Variants in SLC25A48 observed in about 807,000 individuals in gnomAD.
The protein encoded by SLC25A48 is solute carrier family 25 member 48, also known as CTC-321K16.1.
In SLC25A48, 29 loss-of-function variants were observed where a neutral mutation model predicts 32.2. The observed-to-expected ratio is 0.90, with a 90% confidence interval of 0.67 to 1.23. The LOEUF (loss-of-function observed/expected upper bound fraction) is 1.23, where lower values mean the gene tolerates loss of function less well. SLC25A48 is among the 50% of genes most tolerant of loss of function. SLC25A48 has a pLI of 0.00. For synonymous variants in SLC25A48, 164 were observed against 172.3 expected, an observed-to-expected ratio of 0.95 and a Z score of 0.38; for missense variants, 399 against 422.7, an observed-to-expected ratio of 0.94 and a Z score of 0.49.
intron 3 of SLC25A48, among the ~76,000 whole-genome samples, chr5:135,754,035 T>A (rs562968230): frequency 8.6e-4 from 131 of 151,912 alleles, no homozygotes; most frequent in African/African-American, 3.2e-3. Flanking sequence ...CCAGCAGCCA[T>A]ATTTTGAGGA....
chr5:135,594,877 AG>A (rs1317370270), intron 1 of SLC25A48, among the ~76,000 whole-genome samples: 1 of 152,166 alleles, frequency 6.6e-6, no homozygotes, highest in African/African-American at 2.4e-5. Context: ...TCTTCCTGTT[AG>A]GCAGGAGGCC....
At chr5:135,760,242 G>C (rs542076251) in intron 3 of SLC25A48, among the ~76,000 whole-genome samples, 3 of 152,090 alleles carry the variant, frequency 2.0e-5, no homozygotes, top group Non-Finnish European at 2.9e-5. Context: ...GTTACATAGT[G>C]CATATACGTG....
chr5:135,642,479 C>G (rs1752862753), intron 3 of SLC25A48, among the ~76,000 whole-genome samples: 1 of 152,232 alleles, frequency 6.6e-6, no homozygotes, highest in Non-Finnish European at 1.5e-5. Flanking sequence ...GCTCTGCTGG[C>G]TCAAAGAGGT....
rs373954661 is a variant in SLC25A48, at chr5:135,612,154, C to A, written c.-848-17083C>A. 1.8e-4 allele frequency among the ~76,000 whole-genome samples: 27 copies of A among 152,160 alleles called. 1 individual carries two copies. Among genetic ancestry groups the A allele is most frequent in the African/African-American group, 6.3e-4 (26 of 41,518 alleles). On this transcript the variant is annotated intron_variant, in intron 1 of 10. Transcript: ENST00000646290. ...TAAGCAGAATAAAAAATAAGTTGGA[C>A]AAATTTTAAAAATTACAAAACATTG...
intron 1 of SLC25A48, among the ~76,000 whole-genome samples, chr5:135,588,875 T>C (rs1171582236): frequency 6.6e-6 from 1 of 152,176 alleles, no homozygotes; most frequent in Non-Finnish European, 1.5e-5. Flanking sequence ...ACTGGAAAAT[T>C]GGATTTGGTG....
intron 4 of SLC25A48, among the ~76,000 whole-genome samples, chr5:135,858,008 T>C (rs891393690): frequency 6.6e-6 from 1 of 152,142 alleles, no homozygotes; most frequent in African/African-American, 2.4e-5. Flanking sequence ...CCTTCCACCA[T>C]GGGGAGGTGC....
chr5:135,791,965 G>T (rs10060930), intron 3 of SLC25A48, among the ~76,000 whole-genome samples: 99,380 of 151,544 alleles, frequency 0.66, 34,560 homozygotes, highest in Non-Finnish European at 0.78. Context: ...TACACACACG[G>T]TGTACACACT....
intron 3 of SLC25A48, among the ~76,000 whole-genome samples, chr5:135,727,097 T>C (rs1166260609): frequency 6.6e-6 from 1 of 152,098 alleles, no homozygotes; most frequent in African/African-American, 2.4e-5. Flanking sequence ...CATCTGTATA[T>C]CCTCTTTGGA....
intron 3 of SLC25A48, among the ~76,000 whole-genome samples, chr5:135,808,343 A>G (rs895243272): frequency 1.3e-5 from 2 of 151,766 alleles, no homozygotes; most frequent in Non-Finnish European, 2.9e-5. Flanking sequence ...TCTGGAAAGG[A>G]TATCTGATAA....
At chr5:135,600,415 A>T (rs1453425018) in intron 1 of SLC25A48, among the ~76,000 whole-genome samples, 1 of 152,064 alleles carries the variant, frequency 6.6e-6, no homozygotes, top group Non-Finnish European at 1.5e-5. Flanking sequence ...GTACCCTGGG[A>T]CCCAGCTGGA....
At chr5:135,752,190 T>G (rs559635153) in intron 3 of SLC25A48, among the ~76,000 whole-genome samples, 1 of 152,242 alleles carries the variant, frequency 6.6e-6, no homozygotes, top group Admixed American at 6.5e-5. Flanking sequence ...TCATCAAAAT[T>G]AAGAATGGCT....
In SLC25A48 at chr5:135,834,764, G is replaced by A; in HGVS notation, c.-84G>A. On this transcript the variant is annotated 5_prime_UTR_variant, in exon 1 of 8. Transcript: ENST00000681962. ...TCGAGACTCCGACTTCGGTCTTGCG[G>A]CGCGCTCGCGCCCGCGGGCCATGCC... 1 of 1,427,030 alleles carries A rather than the reference G, an allele frequency of 7.0e-7. No homozygotes were observed. The allele number at this position is 1,427,030 out of a possible 1,614,324, so 88.4% of individuals were successfully genotyped here.
chr5:135,835,245 A>G, intron 1 of SLC25A48: 1 of 516,696 alleles, frequency 1.9e-6, no homozygotes, highest in South Asian at 1.5e-5. Flanking sequence ...TGAATTGCGG[A>G]CGTGGCTCGC....
intron 4 of SLC25A48, among the ~76,000 whole-genome samples, chr5:135,826,196 A>G (rs1056443292): frequency 6.6e-6 from 1 of 152,018 alleles, no homozygotes; most frequent in African/African-American, 2.4e-5. Flanking sequence ...TCAGCCCACC[A>G]GGCTGCTCCC....
At chr5:135,834,594 C>T (rs1387013097), upstream of SLC25A48, 6 of 464,320 alleles carry the variant, frequency 1.3e-5, no homozygotes, top group East Asian at 3.3e-5. Context: ...GCGCGGAGCG[C>T]ACCCTTATCC....
rs376129298 is a variant in SLC25A48, at chr5:135,871,671, G to T, written c.632G>T (p.Cys211Phe). Residue 211 changes from cysteine to phenylalanine, a missense_variant, in exon 5 of 8, where the codon TGC becomes TTC. By Grantham distance (205) the Cys-to-Phe change is radical. Coordinates refer to ENST00000681962, the MANE Select transcript of SLC25A48 (RefSeq NM_001349336.2). ...AGTGAGTGGATCACACCTGAGGCCT[G>T]CACAGGCCCCAGCCCCTGTGCCGTG... ...FLSEWITPEA[C>F]TGPSPCAVWL... 1.7e-5 allele frequency: 27 copies of T among 1,614,136 alleles called. No homozygotes were observed. The South Asian group carries it at 3.0e-4, about 18-fold the overall frequency.
chr5:135,834,938 G>A (rs1245532206), intron 1 of SLC25A48, 45 bp downstream of exon 1: 1 of 1,578,744 alleles, frequency 6.3e-7, no homozygotes, highest in Non-Finnish European at 8.6e-7. Flanking sequence ...GAGCGAGCCT[G>A]GCGGAGTTTG....
intron 3 of SLC25A48, among the ~76,000 whole-genome samples, chr5:135,688,239 A>G (rs1325798137): frequency 1.3e-5 from 2 of 152,124 alleles, no homozygotes; most frequent in African/African-American, 4.8e-5. Context: ...ATATTCCGTC[A>G]TATGTCTATA....
At chr5:135,603,918 G>A (rs1302054079) in intron 1 of SLC25A48, among the ~76,000 whole-genome samples, 1 of 152,152 alleles carries the variant, frequency 6.6e-6, no homozygotes, top group Non-Finnish European at 1.5e-5. Context: ...ATCAGGCCTT[G>A]TTGGTGTTTC....
Sources: allele counts gnomAD v4.1 joint callset (sites outside exome capture counted in the v4.1 genomes callset), GRCh38; gene constraint gnomAD v4.1.1; transcripts MANE v1.5; gene names NCBI Gene and HGNC (gene_info 2026-07-23, HGNC 2026-07-21).